Variants in WDR90 observed in about 807,000 individuals in gnomAD.
The protein encoded by WDR90 is WD repeat domain 90.
Under a neutral mutation model 195.2 loss-of-function variants are expected in WDR90, and 238 were observed. The observed-to-expected ratio is 1.22, with a 90% CI of 1.10 to 1.36. The LOEUF (loss-of-function observed/expected upper bound fraction) is 1.36, where lower values mean the gene tolerates loss of function less well. WDR90 is among the 40% of genes most tolerant of loss of function. WDR90 has a pLI of 0.00. For synonymous variants in WDR90, 1,265 were observed against 1,052.4 expected (o/e 1.20, Z -3.91); for missense variants, 2,734 against 2,439.5 (o/e 1.12, Z -2.54).
intron 31 of WDR90, 41 bp from the exon 32 acceptor site, chr16:661,850 C>T (rs373402461): frequency 2.6e-5 from 42 of 1,592,210 alleles, no homozygotes; most frequent in East Asian, 2.5e-4. Flanking sequence ...GCCTGGGCCC[C>T]GGGACACTGC....
At chr16:660,916 T>TGGGGG in intron 28 of WDR90, 135 bp from the exon 29 acceptor site, 1 of 636,648 alleles carries the variant, frequency 1.6e-6, no homozygotes, top group Non-Finnish European at 2.0e-6. Flanking sequence ...AGGGCGCAGC[T>TGGGGG]GGGACGATGC....
chr16:660,232 A>G (rs1255038271), intron 27 of WDR90, 71 bp downstream of exon 27: 1 of 1,364,744 alleles, frequency 7.3e-7, no homozygotes, highest in African/African-American at 1.5e-5. Flanking sequence ...GCTCCCCAGC[A>G]CCTCCTCAGG....
At chr16:664,553 G>GTTCT (rs2037984597) in intron 34 of WDR90, among the ~76,000 whole-genome samples, 1 of 152,150 alleles carries the variant, frequency 6.6e-6, no homozygotes, top group Non-Finnish European at 1.5e-5. Flanking sequence ...CGCCTGTGTG[G>GTTCT]TTCTGCCTGG....
Position 666,249 on chromosome 16 carries a change from G to A in WDR90, c.4639G>A (p.Gly1547Arg), listed in dbSNP as rs1253283718. 2.5e-6 allele frequency: 4 copies of A among 1,612,582 alleles called. No individual in the cohort carries two copies. The highest frequency in any genetic ancestry group is 3.4e-6 in the Non-Finnish European group (4 of 1,179,946). Residue 1547 changes from glycine (G) to arginine (R), a missense_variant, in exon 37 of 41, where the codon GGG (glycine) becomes AGG (arginine). Physicochemically the swap from Gly to Arg is moderately radical, Grantham distance 125. Coordinates refer to ENST00000293879, the MANE Select transcript of WDR90 (RefSeq NM_145294.5). ...GQTVLSGDKD[G>R]LVAVSHPCTG... is the part of the protein sequence containing the mutation. Reference sequence around the variant, plus strand: ...GACTGTCCTCTCTGGAGACAAGGATGGGCTCGTGGCTGTGAGCCACCCCTG... The same window carrying A: ...GACTGTCCTCTCTGGAGACAAGGATAGGCTCGTGGCTGTGAGCCACCCCTG...
Position 652,536 on chromosome 16 carries a change from G to T in WDR90, c.1122+1G>T. 2.5e-6 allele frequency: 4 copies of T among 1,606,810 alleles called. No homozygotes were observed. The highest frequency in any genetic ancestry group is 3.3e-4 in the Middle Eastern group (2 of 6,024). ...CTTTGGGGGCCACGGCACCAGACAGGTGAGGCTCCTGCGGCTGTGTCCAGA... is the reference window on the plus strand; with the variant it reads ...CTTTGGGGGCCACGGCACCAGACAGTTGAGGCTCCTGCGGCTGTGTCCAGA... On this transcript the variant is annotated splice_donor_variant, in intron 10 of 40. Transcript: ENST00000293879. LOFTEE classifies it high-confidence loss of function.
At chr16:660,988 A>AG in intron 28 of WDR90, 63 bp from the exon 29 acceptor site, 1 of 19,782 alleles carries the variant, frequency 5.1e-5, no homozygotes, top group South Asian at 6.9e-4. Flanking sequence ...GCCCCTCCCC[A>AG]GGCCCCTCCC....
At chr16:665,314 G>C in intron 34 of WDR90, 1 of 466,878 alleles carries the variant, frequency 2.1e-6, no homozygotes, top group Middle Eastern at 5.3e-4. Flanking sequence ...CTGTCTTTCA[G>C]CCTCAGTCTG....
intron 18 of WDR90, 43 bp from the exon 19 acceptor site, chr16:656,689 T>C: frequency 6.3e-7 from 1 of 1,591,546 alleles, no homozygotes; most frequent in African/African-American, 1.3e-5. Flanking sequence ...CCCTGGGCCC[T>C]TGAGATCCCT....
Position 667,677 on chromosome 16 carries a change from T to A in WDR90, c.*88T>A, listed in dbSNP as rs528298968. On this transcript the variant is annotated 3_prime_UTR_variant, in exon 41 of 41. Coordinates refer to ENST00000293879, the MANE Select transcript of WDR90 (RefSeq NM_145294.5). ...CTTGGCAGAGGCGCCAGGTTGTCAA[T>A]GGCCTCATGCTGGGACAGGCCAGGA... 4 of 1,566,938 alleles carry A rather than the reference T, an allele frequency of 2.6e-6. No homozygotes were observed. The East Asian group carries it at 9.2e-5, about 36-fold the overall frequency.
intron 33 of WDR90, 93 bp downstream of exon 33, chr16:662,424 G>A (rs1356624814): frequency 7.1e-5 from 103 of 1,456,338 alleles, no homozygotes; most frequent in Non-Finnish European, 9.1e-5. Context: ...CGCAAAGGCC[G>A]CCCTGCAGAC....
At position 650,632 on chromosome 16, in the gene WDR90, G is replaced by C; in HGVS notation, c.482G>C (p.Gly161Ala). Residue 161 changes from glycine to alanine, a missense_variant, in exon 5 of 41, where the codon GGC becomes GCC. Transcript: ENST00000293879. ...CTGGTCTACCTGAACCGGTGCTACG[G>C]CCATCTCAAGAGCATCAGGCTGTGC... ...VLLVYLNRCY[G>A]HLKSIRLCAS... 1 of 1,612,782 alleles carries C rather than the reference G, an allele frequency of 6.2e-7. No individual in the cohort carries two copies. Among genetic ancestry groups the C allele is most frequent in the Non-Finnish European group, 8.5e-7 (1 of 1,179,954 alleles).
In WDR90 at chr16:653,686, C is replaced by T. The variant is rs1266844777; in HGVS notation, c.1379+16C>T. On this transcript the variant is annotated intron_variant, in intron 12 of 40. Coordinates refer to ENST00000293879, the MANE Select transcript of WDR90 (RefSeq NM_145294.5). ...GCTCTCTCAGGTGAGCACAGGTCTG[C>T]CCCATGCAGGGGGAGGGGGTCAGCC... 6.2e-7 allele frequency: 1 copy of T among 1,613,156 alleles called. No homozygotes were observed. The highest frequency in any genetic ancestry group is 8.5e-7 in the Non-Finnish European group (1 of 1,179,854).
rs772318462 is a variant in WDR90 at position 655,598 on chromosome 16, A to G, written c.1744A>G (p.Ile582Val). Residue 582 changes from isoleucine to valine, a missense_variant, in exon 16 of 41, where the codon ATC (isoleucine) becomes GTC (valine). By Grantham distance (29) the Ile-to-Val change is conservative. Transcript: ENST00000293879. ...MLFVCSRSGH[I>V]LEIDCQRMVV... ...CTTCGTGTGCAGCCGCAGTGGCCAC[A>G]TCTTGGAGATTGACTGTCAGCGCAT... 6.2e-6 allele frequency: 10 copies of G among 1,605,154 alleles called. No homozygotes were observed. The highest frequency in any genetic ancestry group is 8.5e-6 in the Non-Finnish European group (10 of 1,175,014).
Position 656,499 on chromosome 16 carries a change from C to G in WDR90, c.2164C>G (p.Arg722Gly), listed in dbSNP as rs747846328. The G allele has an allele frequency of 1.9e-6, 3 of 1,578,408 alleles. No individual in the cohort carries two copies. The highest frequency in any genetic ancestry group is 2.6e-6 in the Non-Finnish European group (3 of 1,165,064). ...ACAGCTGGCCACCGTGTCCCAGGAC[C>G]GTACCGTCCGCATCTGGGACCTGGC... ...RGQLATVSQD[R>G]TVRIWDLATL... The change falls in exon 18 of 41, where the codon CGT becomes GGT. Residue 722 changes from arginine to glycine, a missense_variant. Transcript: ENST00000293879.
At chr16:663,695 CAT>C (rs57736903) in intron 34 of WDR90, 82,392 of 152,870 alleles carry the variant, frequency 0.54, 25,687 homozygotes, top group East Asian at 0.98. Flanking sequence ...ACACAGCACT[CAT>C]CTCTCTGGGA....
rs777972293 is a variant in WDR90, at chr16:651,304, C to T, written c.736+38C>T. 1.9e-6 allele frequency: 3 copies of T among 1,606,928 alleles called. No individual in the cohort carries two copies. The South Asian group carries it at 3.3e-5, about 18-fold the overall frequency. On this transcript the variant is annotated intron_variant, in intron 7 of 40. Transcript: ENST00000293879. The stretch of plus-strand genomic sequence containing the variant: ...GGTCAGCGGGGACCCAGGTTAAGGC[C>T]TGTAGGGTGCGTGGGGCTCGGTAGG...
Position 665,691 on chromosome 16 carries a change from G to A in WDR90, c.4324G>A (p.Val1442Ile), listed in dbSNP as rs766189073. 1.2e-6 allele frequency: 2 copies of A among 1,612,684 alleles called. No homozygotes were observed. The highest frequency in any genetic ancestry group is 1.1e-5 in the South Asian group (1 of 91,090). The change falls in exon 35 of 41, where the codon GTC (valine) becomes ATC (isoleucine). Residue 1442 changes from valine to isoleucine, a missense_variant. Physicochemically the swap from Val to Ile is conservative, Grantham distance 29. Transcript: ENST00000293879. ...CGGCTTCCCCCAGGTGAACGAGGTGGTCTTCAGCCCCGGGGAGTCCCACTG... is the reference window on the plus strand; with the variant it reads ...CGGCTTCCCCCAGGTGAACGAGGTGATCTTCAGCCCCGGGGAGTCCCACTG... The part of the protein sequence containing the change: ...SGHRSKVNEV[V>I]FSPGESHCAT...
At position 661,032 on chromosome 16, in the gene WDR90, C is replaced by T. The variant is rs768643361; in HGVS notation, c.3392-19C>T. 6 of 1,269,810 alleles carry T rather than the reference C, an allele frequency of 4.7e-6. No individual in the cohort carries two copies. The highest frequency in any genetic ancestry group is 2.6e-5 in the Admixed American group (1 of 38,012). 78.7% of individuals were successfully genotyped at this position (1,269,810 alleles called of 1,614,324 possible). A position where few individuals can be genotyped will look rare whatever the true frequency, so the allele number is the denominator to read the frequency against. ...CCCCCCCCCGGCCCGGCCTCAGGCC[C>T]CGCCCTCTCTGCGCACAGGCTTCTT... is the stretch of plus-strand genomic sequence containing the variant. On this transcript the variant is annotated intron_variant, in intron 28 of 40. Coordinates refer to ENST00000293879, the MANE Select transcript of WDR90 (RefSeq NM_145294.5).
intron 10 of WDR90, among the ~76,000 whole-genome samples, chr16:653,010 G>A (rs1159443211): frequency 1.3e-5 from 2 of 152,012 alleles, no homozygotes; most frequent in African/African-American, 4.8e-5. Flanking sequence ...TGCTCTGAGT[G>A]TTTGGGGGCC....
Sources: gnomAD v4.1 joint callset for allele counts (sites outside exome capture counted in the v4.1 genomes callset) on GRCh38, gnomAD v4.1.1 for gene constraint, MANE v1.5 for transcripts, NCBI Gene and HGNC (gene_info 2026-07-23, HGNC 2026-07-21) for gene names.